DOK6: variants seen among roughly 807,000 people sequenced by gnomAD.
DOK6 encodes the protein downstream of tyrosine kinase 6.
A neutral mutation model predicts 44.0 loss-of-function variants in DOK6; 22 were observed. That is an observed-to-expected ratio of 0.50 (90% CI 0.36 to 0.71). The LOEUF (loss-of-function observed/expected upper bound fraction) is 0.71, where lower values mean the gene tolerates loss of function less well. Among genes scored for constraint, DOK6 ranks in the 30% least tolerant of loss-of-function variants. The pLI, the probability that DOK6 is intolerant of heterozygous loss-of-function variation, is 0.00. For missense variants in DOK6, 340 were observed against 416.4 expected, an observed-to-expected ratio of 0.82 and a Z score of 1.60; for synonymous variants, 166 against 145.5, an observed-to-expected ratio of 1.14 and a Z score of -1.01.
At chr18:69,709,884 A>G (rs1022363576) in intron 5 of DOK6, among the ~76,000 whole-genome samples, 1 of 152,184 alleles carries the variant, frequency 6.6e-6, no homozygotes, top group Admixed American at 6.5e-5. Flanking sequence ...TTAAAAAATT[A>G]TAAACTTACT....
intron 1 of DOK6, among the ~76,000 whole-genome samples, chr18:69,533,278 A>C (rs1157477067): frequency 6.6e-6 from 1 of 152,148 alleles, no homozygotes; most frequent in Non-Finnish European, 1.5e-5. Context: ...TCCAGTATTA[A>C]TTCAAAATTA....
intron 5 of DOK6, among the ~76,000 whole-genome samples, chr18:69,737,526 C>A (rs76468652): frequency 0.031 from 4,692 of 152,250 alleles, 132 homozygotes; most frequent in East Asian, 0.087. Context: ...CAGAGCCAAA[C>A]CCTATCACCT....
At chr18:69,651,482 CT>C (rs1168500882) in intron 3 of DOK6, among the ~76,000 whole-genome samples, 4,301 of 116,916 alleles carry the variant, frequency 0.037, 174 homozygotes, top group African/African-American at 0.12. Context: ...CCCCCCGCTC[CT>C]TTTTTTTTTT....
intron 2 of DOK6, among the ~76,000 whole-genome samples, chr18:69,577,053 C>T (rs1983256022): frequency 6.6e-6 from 1 of 152,092 alleles, no homozygotes; most frequent in African/African-American, 2.4e-5. Flanking sequence ...CCCTGTAACC[C>T]AACACTGAAA....
chr18:69,739,689 A>G (rs1978735718), intron 6 of DOK6, among the ~76,000 whole-genome samples: 1 of 152,238 alleles, frequency 6.6e-6, no homozygotes, highest in Non-Finnish European at 1.5e-5. Context: ...TTTTATTAAT[A>G]TGACAAGCTG....
chr18:69,695,434 G>A (rs992212046), intron 4 of DOK6, among the ~76,000 whole-genome samples: 3 of 152,138 alleles, frequency 2.0e-5, no homozygotes, highest in Admixed American at 2.0e-4. Flanking sequence ...ACGCCTGCTT[G>A]ATAGAATTGT....
chr18:69,449,696 C>T (rs1425691022), intron 1 of DOK6, among the ~76,000 whole-genome samples: 2 of 152,074 alleles, frequency 1.3e-5, no homozygotes, highest in Non-Finnish European at 2.9e-5. Flanking sequence ...GTTCTCCCAG[C>T]ACGCAGATGG....
intron 3 of DOK6, among the ~76,000 whole-genome samples, chr18:69,651,798 C>G (rs1021678835): frequency 6.6e-6 from 1 of 152,012 alleles, no homozygotes; most frequent in Non-Finnish European, 1.5e-5. Context: ...CATCAGCCCC[C>G]TTTAATCTCT....
chr18:69,736,949 C>T (rs1274880860), intron 5 of DOK6, among the ~76,000 whole-genome samples: 2 of 152,102 alleles, frequency 1.3e-5, no homozygotes, highest in African/African-American at 4.8e-5. Flanking sequence ...TGGACAAGCT[C>T]CCAGGGAGGC....
intron 1 of DOK6, among the ~76,000 whole-genome samples, chr18:69,529,572 C>T (rs999481469): frequency 3.3e-5 from 5 of 152,168 alleles, no homozygotes; most frequent in African/African-American, 9.7e-5. Context: ...TGCAAGATAG[C>T]GTAATGGGCA....
At chr18:69,556,537 G>C (rs9956440) in intron 1 of DOK6, among the ~76,000 whole-genome samples, 140,661 of 152,256 alleles carry the variant, frequency 0.92, 66,013 homozygotes, top group East Asian at 1. Flanking sequence ...ACCCATCTAC[G>C]ATATTGAAAT....
intron 4 of DOK6, among the ~76,000 whole-genome samples, chr18:69,684,161 A>G (rs1986100429): frequency 6.6e-6 from 1 of 152,174 alleles, no homozygotes; most frequent in Non-Finnish European, 1.5e-5. Context: ...TTATATAGAC[A>G]CCACCTATAA....
chr18:69,669,794 G>A (rs556123460), intron 3 of DOK6, among the ~76,000 whole-genome samples: 2 of 152,048 alleles, frequency 1.3e-5, no homozygotes, highest in African/African-American at 2.4e-5. Context: ...AATTTATTAA[G>A]CTTCAAGTAG....
At chr18:69,767,582 C>T (rs937495071) in intron 7 of DOK6, among the ~76,000 whole-genome samples, 1 of 152,042 alleles carries the variant, frequency 6.6e-6, no homozygotes, top group African/African-American at 2.4e-5. Context: ...TCCACACCCA[C>T]CCTACCACTT....
intron 7 of DOK6, among the ~76,000 whole-genome samples, chr18:69,776,708 T>C (rs746331464): frequency 3.9e-5 from 6 of 151,990 alleles, no homozygotes; most frequent in Admixed American, 6.6e-5. Context: ...ACTTTAACAA[T>C]AAAATATCAA....
intron 3 of DOK6, among the ~76,000 whole-genome samples, chr18:69,601,686 C>G (rs778510957): frequency 6.6e-6 from 1 of 152,156 alleles, no homozygotes; most frequent in Non-Finnish European, 1.5e-5. Flanking sequence ...AATTTAAAGG[C>G]CATCAAGATT....
chr18:69,636,470 G>C (rs1984811991), intron 3 of DOK6, among the ~76,000 whole-genome samples: 1 of 152,160 alleles, frequency 6.6e-6, no homozygotes, highest in South Asian at 2.1e-4. Flanking sequence ...AGCCATCCAG[G>C]CACATCCAGG....
chr18:69,432,583 T>G (rs1978838755), intron 1 of DOK6, among the ~76,000 whole-genome samples: 1 of 152,216 alleles, frequency 6.6e-6, no homozygotes, highest in South Asian at 2.1e-4. Context: ...AGAGAGGGAA[T>G]GAATATGCAT....
At position 69,844,100 on chromosome 18, in the gene DOK6, G is replaced by A. The variant is rs1982296041; in HGVS notation, c.*2717G>A. The A allele has an allele frequency of 6.6e-6, 1 of 152,168 alleles. No individual in the cohort carries two copies. The highest frequency in any genetic ancestry group is 2.1e-4 in the South Asian group (1 of 4,830). 9.4% of individuals were successfully genotyped at this position (152,168 alleles called of 1,614,324 possible). A position where few individuals can be genotyped will look rare whatever the true frequency, so the allele number is the denominator to read the frequency against. ...GAGCAACCAGAAGGGTCATGGAGAT[G>A]TATACCACTCGCTTGGGCTCGTAGG... On this transcript the variant is annotated 3_prime_UTR_variant, in exon 8 of 8. Coordinates refer to ENST00000382713, the MANE Select transcript of DOK6 (RefSeq NM_152721.6).
Sources: allele counts gnomAD v4.1 joint callset (sites outside exome capture counted in the v4.1 genomes callset), GRCh38; gene constraint gnomAD v4.1.1; transcripts MANE v1.5; gene names NCBI Gene and HGNC (gene_info 2026-07-23, HGNC 2026-07-21).